Variants in LOC400499 observed in about 807,000 individuals in gnomAD.
chr16:11,487,152 T>G, the LOC400499 span: 1 of 397,412 alleles, frequency 2.5e-6, no homozygotes. Context: ...GGGAGGAGAT[T>G]GAACAATGGA....
chr16:11,494,510 G>C, the LOC400499 span: 1,126 of 387,296 alleles, frequency 2.9e-3, 14 homozygotes, highest in African/African-American at 0.022. Flanking sequence ...CCTGGAGCTT[G>C]CCTGATTCGC....
the LOC400499 span, chr16:11,440,745 G>C: frequency 7.5e-6 from 3 of 398,978 alleles, no homozygotes; most frequent in Non-Finnish European, 1.3e-5. Context: ...CGTTGTGATT[G>C]ACGGCAGCTC....
chr16:11,435,516 C>G, the LOC400499 span: 3 of 397,600 alleles, frequency 7.5e-6, no homozygotes, highest in African/African-American at 6.2e-5. Flanking sequence ...TTCATGCCCT[C>G]AGTGGCACCA....
At chr16:11,447,101 C>T in the LOC400499 span, among the ~76,000 whole-genome samples, 1 of 152,190 alleles carries the variant, frequency 6.6e-6, no homozygotes, top group Admixed American at 6.5e-5. Flanking sequence ...CCCTTCACCA[C>T]CTCACTGTGC....
At chr16:11,433,198 G>C in the LOC400499 span, among the ~76,000 whole-genome samples, 11 of 152,292 alleles carry the variant, frequency 7.2e-5, no homozygotes, top group South Asian at 1.9e-3. Context: ...GCCTTTTACT[G>C]AGAGTCTGCC....
chr16:11,403,469 ACATGAGCACACATACACT>A, the LOC400499 span, among the ~76,000 whole-genome samples: 49 of 147,582 alleles, frequency 3.3e-4, no homozygotes, highest in African/African-American at 1.2e-3. Flanking sequence ...ACACATACAC[ACATGAGCACACATACACT>A]CATGAGCACA....
the LOC400499 span, chr16:11,471,859 T>C: frequency 2.5e-6 from 1 of 399,112 alleles, no homozygotes; most frequent in Non-Finnish European, 4.4e-6. Flanking sequence ...CAGTGGAGAC[T>C]CAGAGGGCTC....
the LOC400499 span, among the ~76,000 whole-genome samples, chr16:11,424,536 C>T: frequency 6.6e-6 from 1 of 152,252 alleles, no homozygotes; most frequent in African/African-American, 2.4e-5. Flanking sequence ...CTGAAACTGT[C>T]CACAGTTCAC....
the LOC400499 span, chr16:11,399,954 T>G: frequency 5.0e-6 from 2 of 397,096 alleles, no homozygotes; most frequent in Admixed American, 8.8e-5. Flanking sequence ...CTCCCCCAGA[T>G]ATCCCTAGAG....
chr16:11,451,483 G>A, the LOC400499 span, among the ~76,000 whole-genome samples: 6 of 152,110 alleles, frequency 3.9e-5, no homozygotes, highest in African/African-American at 1.2e-4. Flanking sequence ...GGAGGCTGAG[G>A]TGGAGGCTGC....
the LOC400499 span, chr16:11,460,606 C>T: frequency 6.5e-7 from 1 of 1,533,006 alleles, no homozygotes; most frequent in South Asian, 1.2e-5. Context: ...CCTGCTTTGC[C>T]TGACCTGTGT....
the LOC400499 span, among the ~76,000 whole-genome samples, chr16:11,397,432 C>T: frequency 2.6e-5 from 4 of 152,190 alleles, no homozygotes; most frequent in East Asian, 5.8e-4. Context: ...TGCCACCGTG[C>T]CCAGCTCATT....
the LOC400499 span, among the ~76,000 whole-genome samples, chr16:11,512,439 C>A: frequency 1.3e-5 from 2 of 152,018 alleles, no homozygotes; most frequent in African/African-American, 4.8e-5. Context: ...CCCATCTCTA[C>A]TAAAAACACA....
At chr16:11,389,782 G>A in the LOC400499 span, among the ~76,000 whole-genome samples, 2 of 151,690 alleles carry the variant, frequency 1.3e-5, no homozygotes, top group African/African-American at 4.8e-5. Context: ...CAGGCCCTCT[G>A]CAGCGAGCTG....
chr16:11,394,647 T>C, the LOC400499 span, among the ~76,000 whole-genome samples: 1 of 152,130 alleles, frequency 6.6e-6, no homozygotes, highest in African/African-American at 2.4e-5. Flanking sequence ...GAGGCCATAG[T>C]GGATGAAGGT....
At chr16:11,488,616 G>A in the LOC400499 span, 77 of 395,198 alleles carry the variant, frequency 1.9e-4, 1 homozygote, top group East Asian at 2.2e-3. Flanking sequence ...TTGACACAAC[G>A]TCTGATCCAC....
At chr16:11,376,171 T>G in the LOC400499 span, among the ~76,000 whole-genome samples, 1 of 152,262 alleles carries the variant, frequency 6.6e-6, no homozygotes, top group Admixed American at 6.5e-5. Context: ...GCCTTTTCAC[T>G]CTGTTAATAG....
chr16:11,515,699 G>A, the LOC400499 span, among the ~76,000 whole-genome samples: 4 of 149,760 alleles, frequency 2.7e-5, no homozygotes, highest in African/African-American at 9.8e-5. Context: ...GAAATGAAGA[G>A]CTGAGGAGGG....
the LOC400499 span, chr16:11,508,782 C>G: frequency 2.5e-6 from 1 of 399,144 alleles, no homozygotes; most frequent in Non-Finnish European, 4.4e-6. Flanking sequence ...CCACCATGGC[C>G]TGGGATGGTG....
Sources: allele counts gnomAD v4.1 joint callset (sites outside exome capture counted in the v4.1 genomes callset), GRCh38; gene constraint gnomAD v4.1.1; transcripts MANE v1.5.